Variants in TXN observed in about 807,000 individuals in gnomAD.
TXN encodes thioredoxin.
A neutral mutation model predicts 16.5 loss-of-function variants in TXN; 10 were observed. That is an observed-to-expected ratio of 0.61 (90% CI 0.37 to 1.03). The LOEUF (loss-of-function observed/expected upper bound fraction) is 1.03. Among genes scored for constraint, TXN ranks in the 50% least tolerant of loss-of-function variants. The pLI is 0.01. For missense variants in TXN, 71 were observed against 122.5 expected, an observed-to-expected ratio of 0.58 and a Z score of 1.98; for synonymous variants, 35 against 39.4, an observed-to-expected ratio of 0.89 and a Z score of 0.42.
intron 2 of TXN, 67 bp from the exon 3 acceptor site, chr9:110,250,946 G>A: frequency 8.6e-7 from 1 of 1,162,736 alleles, no homozygotes; most frequent in Non-Finnish European, 1.3e-6. Context: ...ACATACCCAA[G>A]CTTCTTAAAT....
At chr9:110,244,911 T>C (rs183212941) in intron 3 of TXN, 68 bp from the exon 4 acceptor site, 2 of 1,363,234 alleles carry the variant, frequency 1.5e-6, no homozygotes, top group African/African-American at 1.4e-5. Context: ...TTGACAGAAG[T>C]AATCCAAAAC....
chr9:110,255,130 T>A (rs1055392176), intron 1 of TXN, among the ~76,000 whole-genome samples: 1 of 152,022 alleles, frequency 6.6e-6, no homozygotes, highest in Non-Finnish European at 1.5e-5. Flanking sequence ...CGGGGACACA[T>A]TGCAGACACA....
At position 110,249,084 on chromosome 9, in the gene TXN, G is replaced by A. The variant is rs4135197; in HGVS notation, c.189+1736C>T. On this transcript the variant is annotated intron_variant, in intron 3 of 4. Transcript: ENST00000374517. ...AGAGGTTGCAGTGAGCCGAGATCATGCCACTGCACTCCACCCCAGGTGACA... is the reference window on the plus strand; with the variant it reads ...AGAGGTTGCAGTGAGCCGAGATCATACCACTGCACTCCACCCCAGGTGACA... Among the ~76,000 whole-genome samples, 702 of 121,470 alleles carry A rather than the reference G, an allele frequency of 5.8e-3. 8 individuals carry two copies. The highest frequency in any genetic ancestry group is 0.02 in the African/African-American group (643 of 32,480). 79.7% of individuals were successfully genotyped at this position (121,470 alleles called of 152,430 possible). A position where few individuals can be genotyped will look rare whatever the true frequency, so the allele number is the denominator to read the frequency against.
At chr9:110,253,049 AG>A (rs978880998) in intron 1 of TXN, among the ~76,000 whole-genome samples, 68 of 152,288 alleles carry the variant, frequency 4.5e-4, no homozygotes, top group African/African-American at 1.5e-3. Context: ...CTGGTCAAAT[AG>A]GTTTAAAAAA....
At position 110,251,462 on chromosome 9, in the gene TXN, T is replaced by C. The variant is rs763968382; in HGVS notation, c.25A>G (p.Thr9Ala). 1 of 1,597,076 alleles carries C rather than the reference T, an allele frequency of 6.3e-7. No individual in the cohort carries two copies. Among genetic ancestry groups the C allele is most frequent in the Non-Finnish European group, 8.6e-7 (1 of 1,167,810 alleles). ...GCGTCCAAGGCTTCCTGAAAAGCAG[T>C]CTAACAGCAAAAGAAAAGCTTATAT... Reference protein sequence around the residue: MVKQIESKTAFQEALDAAG... With the variant: MVKQIESKAAFQEALDAAG... The change falls in exon 2 of 5, where the codon ACT becomes GCT. Residue 9 changes from threonine (T) to alanine (A), a missense_variant and splice_region_variant. Transcript: ENST00000374517.
intron 4 of TXN, among the ~76,000 whole-genome samples, chr9:110,244,531 C>A (rs888975832): frequency 5.3e-5 from 8 of 152,130 alleles, no homozygotes; most frequent in African/African-American, 1.9e-4. Flanking sequence ...AACAAATGAA[C>A]TGCCCAAGTC....
intron 3 of TXN, chr9:110,245,088 C>CAGA: frequency 3.2e-6 from 1 of 312,340 alleles, no homozygotes; most frequent in Non-Finnish European, 6.3e-6. Flanking sequence ...CATTAACAGG[C>CAGA]AGAATGTTCA....
intron 3 of TXN, among the ~76,000 whole-genome samples, chr9:110,247,435 G>A (rs1195278282): frequency 6.6e-6 from 1 of 152,006 alleles, no homozygotes; most frequent in Non-Finnish European, 1.5e-5. Flanking sequence ...CTATAGTAAT[G>A]CACCATATAA....
chr9:110,254,042 T>C (rs1837774253), intron 1 of TXN, among the ~76,000 whole-genome samples: 1 of 152,118 alleles, frequency 6.6e-6, no homozygotes, highest in Non-Finnish European at 1.5e-5. Flanking sequence ...ATGGTAGGTG[T>C]CATTTTTTTT....
intron 1 of TXN, 112 bp from the exon 2 acceptor site, chr9:110,251,574 C>A (rs1031392807): frequency 8.2e-6 from 1 of 122,306 alleles, no homozygotes; most frequent in African/African-American, 3.8e-5. Flanking sequence ...CTTTCAGGAC[C>A]TACTTTTTAG....
In TXN at chr9:110,256,440, G is replaced by C; in HGVS notation, c.-5C>G. On this transcript the variant is annotated 5_prime_UTR_variant, in exon 1 of 5. Coordinates refer to ENST00000374517, the MANE Select transcript of TXN (RefSeq NM_003329.4). The surrounding 1 kb of genome is among the most constrained non-coding windows in gnomAD (Gnocchi z 4.2). The stretch of plus-strand genomic sequence containing the variant: ...GCTCTCGATCTGCTTCACCATCTTG[G>C]CTGCTGGAGTCTGACGAGCGGCTGT... 6.2e-7 allele frequency: 1 copy of C among 1,606,796 alleles called. No individual in the cohort carries two copies.
chr9:110,252,223 C>CAAAAAAGAAAAAAAAAAAAAAAAA (rs1554695822), intron 1 of TXN, among the ~76,000 whole-genome samples: 2 of 58,422 alleles, frequency 3.4e-5, no homozygotes, highest in Non-Finnish European at 2.9e-5. Context: ...GACTCTGTCG[C>CAAAAAAGAAAAAAAAAAAAAAAAA]AAAAAAAAAA....
At chr9:110,253,043 T>A (rs1302142739) in intron 1 of TXN, among the ~76,000 whole-genome samples, 1 of 151,246 alleles carries the variant, frequency 6.6e-6, no homozygotes, top group Non-Finnish European at 1.5e-5. Context: ...ACAATGCTGG[T>A]CAAATAGGTT....
At chr9:110,254,146 A>T (rs1343832098) in intron 1 of TXN, among the ~76,000 whole-genome samples, 1 of 152,166 alleles carries the variant, frequency 6.6e-6, no homozygotes, top group African/African-American at 2.4e-5. Flanking sequence ...CCAACAGAGT[A>T]CCTCAGAAAC....
At chr9:110,252,141 T>C (rs1837747545) in intron 1 of TXN, among the ~76,000 whole-genome samples, 1 of 147,006 alleles carries the variant, frequency 6.8e-6, no homozygotes, top group Non-Finnish European at 1.5e-5. Context: ...GGAGAATAGC[T>C]TGAACTCAGG....
rs1414368060 is a variant in TXN at position 110,256,331 on chromosome 9, C to G, written c.24+81G>C. The G allele has an allele frequency of 7.4e-7, 1 of 1,347,460 alleles. No individual in the cohort carries two copies. Among genetic ancestry groups the G allele is most frequent in the Non-Finnish European group, 1.0e-6 (1 of 977,928 alleles). 83.5% of individuals were successfully genotyped at this position (1,347,460 alleles called of 1,614,324 possible). ...CCTCCGCACCTCCCGCCACCGCCTT[C>G]CCCACCTCCCGCCACCGCCTTCCCC... On this transcript the variant is annotated intron_variant, in intron 1 of 4. Transcript: ENST00000374517. This position sits in a 1 kb window ranked among gnomAD's most constrained non-coding sequence, Gnocchi z 4.2.
chr9:110,252,439 T>C (rs1366780906), intron 1 of TXN, among the ~76,000 whole-genome samples: 1 of 152,110 alleles, frequency 6.6e-6, no homozygotes, highest in Non-Finnish European at 1.5e-5. Context: ...ATTTTAAAAC[T>C]ATACCCTTGT....
At chr9:110,253,539 A>G (rs1185914418) in intron 1 of TXN, among the ~76,000 whole-genome samples, 1 of 152,178 alleles carries the variant, frequency 6.6e-6, no homozygotes, top group Non-Finnish European at 1.5e-5. Context: ...TTGAATAGAC[A>G]TTTTTGTTTT....
chr9:110,249,302 CT>C (rs1159464479), intron 3 of TXN, among the ~76,000 whole-genome samples: 16 of 112,496 alleles, frequency 1.4e-4, no homozygotes, highest in Middle Eastern at 4.1e-3. Flanking sequence ...CAATTACACT[CT>C]TTTTAAAAAA....
Sources: gnomAD v4.1 joint callset for allele counts (sites outside exome capture counted in the v4.1 genomes callset) on GRCh38, gnomAD v4.1.1 for gene constraint, Gnocchi (gnomAD v3.1) non-coding constraint, MANE v1.5 for transcripts, NCBI Gene and HGNC (gene_info 2026-07-23, HGNC 2026-07-21) for gene names.